Variants in TTC28 observed in about 807,000 individuals in gnomAD.
TTC28 encodes tetratricopeptide repeat domain 28, also known as tetratricopeptide repeat protein 28.
A neutral mutation model predicts 198.0 loss-of-function variants in TTC28; 61 were observed. The observed-to-expected ratio is 0.31, with a 90% confidence interval of 0.25 to 0.38. TTC28 has a LOEUF of 0.38. Ranked by LOEUF, TTC28 falls within the 10% of genes least tolerant of loss-of-function variation. The probability of loss-of-function intolerance (pLI) is 1.00; values close to 1 mark genes in which losing one functional copy is unlikely to be tolerated. For missense variants in TTC28, 2,678 were observed against 3,164.0 expected (o/e 0.85, Z 3.69); for synonymous variants, 1,171 against 1,297.8 (o/e 0.90, Z 2.10).
At chr22:28,579,134 C>T (rs1015834636) in intron 2 of TTC28, among the ~76,000 whole-genome samples, 3 of 148,178 alleles carry the variant, frequency 2.0e-5, no homozygotes, top group Non-Finnish European at 4.5e-5. Flanking sequence ...ATACATATAG[C>T]CATATATGTA....
chr22:28,054,650 G>A (rs1267815960), intron 12 of TTC28, among the ~76,000 whole-genome samples: 1 of 151,982 alleles, frequency 6.6e-6, no homozygotes, highest in Non-Finnish European at 1.5e-5. Flanking sequence ...CCCTGTGTGG[G>A]CTCCCCTCCA....
intron 5 of TTC28, among the ~76,000 whole-genome samples, chr22:28,228,852 G>A (rs962115658): frequency 1.3e-5 from 2 of 151,642 alleles, no homozygotes; most frequent in African/African-American, 2.4e-5. Context: ...ATATTTTCTC[G>A]ATTGTTTAAA....
intron 6 of TTC28, among the ~76,000 whole-genome samples, chr22:28,137,823 T>C (rs975040447): frequency 9.2e-5 from 14 of 152,122 alleles, no homozygotes; most frequent in Non-Finnish European, 1.5e-4. Context: ...AAGACCAGCC[T>C]AGCCAAAATG....
At chr22:28,185,725 A>G (rs1308431298) in intron 5 of TTC28, among the ~76,000 whole-genome samples, 1 of 152,206 alleles carries the variant, frequency 6.6e-6, no homozygotes, top group African/African-American at 2.4e-5. Context: ...TATATCTGAG[A>G]GTCAATGAAT....
chr22:28,273,657 C>T (rs928500888), intron 5 of TTC28, among the ~76,000 whole-genome samples: 4 of 151,914 alleles, frequency 2.6e-5, no homozygotes, highest in African/African-American at 9.7e-5. Flanking sequence ...CTAGAATAGA[C>T]AGGAAGAAAT....
At chr22:28,180,030 G>A (rs1002081795) in intron 5 of TTC28, among the ~76,000 whole-genome samples, 46 of 152,074 alleles carry the variant, frequency 3.0e-4, no homozygotes, top group African/African-American at 1.1e-3. Flanking sequence ...GGTCTGCCTG[G>A]TAGTAATTTA....
At chr22:28,559,848 ACTCT>A (rs1237473993) in intron 2 of TTC28, among the ~76,000 whole-genome samples, 1 of 151,812 alleles carries the variant, frequency 6.6e-6, no homozygotes, top group Non-Finnish European at 1.5e-5. Context: ...CTATACAAAC[ACTCT>A]CTAAGTATCT....
chr22:28,637,597 G>A (rs1401024399), intron 1 of TTC28, among the ~76,000 whole-genome samples: 1 of 152,064 alleles, frequency 6.6e-6, no homozygotes, highest in African/African-American at 2.4e-5. Context: ...AAAAAGGAAC[G>A]AAAGGTTTAC....
At chr22:28,003,556 T>C (rs1256093298) in intron 14 of TTC28, among the ~76,000 whole-genome samples, 1 of 152,168 alleles carries the variant, frequency 6.6e-6, no homozygotes, top group Non-Finnish European at 1.5e-5. Flanking sequence ...AGTAAGTTTC[T>C]GTCAGATATC....
At chr22:28,308,911 AGTACAGCTCT>A (rs1252010625) in intron 2 of TTC28, among the ~76,000 whole-genome samples, 1 of 152,218 alleles carries the variant, frequency 6.6e-6, no homozygotes, top group African/African-American at 2.4e-5. Flanking sequence ...TAGCATAATG[AGTACAGCTCT>A]GACAACTCCC....
intron 2 of TTC28, among the ~76,000 whole-genome samples, chr22:28,387,112 C>T (rs1368622471): frequency 6.6e-6 from 1 of 151,782 alleles, no homozygotes; most frequent in Non-Finnish European, 1.5e-5. Flanking sequence ...TTTGTTCTTG[C>T]GATAGTTTGC....
intron 1 of TTC28, among the ~76,000 whole-genome samples, chr22:28,632,149 G>A (rs2051183178): frequency 6.8e-6 from 1 of 147,906 alleles, no homozygotes; most frequent in South Asian, 2.1e-4. Context: ...ATGAGCGACT[G>A]TTCTTCCTCT....
chr22:28,106,228 C>A (rs1365547411), intron 7 of TTC28, among the ~76,000 whole-genome samples: 1 of 152,082 alleles, frequency 6.6e-6, no homozygotes, highest in African/African-American at 2.4e-5. Context: ...TTAGTTTGAC[C>A]CTTGCCCTTC....
At chr22:28,010,395 A>AG (rs781664338) in intron 14 of TTC28, among the ~76,000 whole-genome samples, 1 of 152,192 alleles carries the variant, frequency 6.6e-6, no homozygotes. Context: ...GTCTGCAGGG[A>AG]GAAAAACTCT....
At chr22:28,136,323 T>C in intron 6 of TTC28, among the ~76,000 whole-genome samples, 1 of 152,048 alleles carries the variant, frequency 6.6e-6, no homozygotes, top group East Asian at 1.9e-4. Context: ...TTTTAAAATT[T>C]TTCTGTAGAG....
At chr22:28,367,658 T>C (rs1471611510) in intron 2 of TTC28, among the ~76,000 whole-genome samples, 2 of 151,812 alleles carry the variant, frequency 1.3e-5, no homozygotes, top group East Asian at 1.9e-4. Flanking sequence ...ATAAACTAAA[T>C]TGACAAACCT....
intron 2 of TTC28, among the ~76,000 whole-genome samples, chr22:28,441,908 G>T (rs921918516): frequency 2.9e-4 from 41 of 142,738 alleles, no homozygotes; most frequent in Non-Finnish European, 5.5e-4. Flanking sequence ...AAAAAAAAAG[G>T]CCTGTTATGC....
chr22:28,233,179 T>C (rs544620497), intron 5 of TTC28, among the ~76,000 whole-genome samples: 5 of 152,318 alleles, frequency 3.3e-5, no homozygotes, highest in Admixed American at 2.6e-4. Flanking sequence ...TCAATATTAT[T>C]TGAGCATTAA....
chr22:28,191,117 C>T (rs1924702002), intron 5 of TTC28, among the ~76,000 whole-genome samples: 1 of 152,210 alleles, frequency 6.6e-6, no homozygotes, highest in Admixed American at 6.5e-5. Context: ...GTTCTCTGAA[C>T]ATCCACCTCA....
Sources: gnomAD v4.1 joint callset for allele counts (sites outside exome capture counted in the v4.1 genomes callset) on GRCh38, gnomAD v4.1.1 for gene constraint, MANE v1.5 for transcripts, NCBI Gene and HGNC (gene_info 2026-07-23, HGNC 2026-07-21) for gene names.